SLC35F5: variants seen among roughly 807,000 people sequenced by gnomAD.
SLC35F5 encodes HCV NS5A-transactivated protein 3.
Under a neutral mutation model 68.6 loss-of-function variants are expected in SLC35F5, and 54 were observed. The observed-to-expected ratio is 0.79, with a 90% CI of 0.63 to 0.99. The LOEUF is 0.99. SLC35F5 is among the 50% of genes least tolerant of loss of function. SLC35F5 has a pLI of 0.00. For synonymous variants in SLC35F5, 211 were observed against 205.2 expected (o/e 1.03, Z -0.24); for missense variants, 567 against 626.9 (o/e 0.90, Z 1.02).
intron 4 of SLC35F5, 91 bp from the exon 5 acceptor site, chr2:113,746,430 A>C: frequency 1.0e-6 from 1 of 972,264 alleles, no homozygotes; most frequent in Non-Finnish European, 1.6e-6. Flanking sequence ...AGAAGCAAAA[A>C]TCCAGAATCA....
downstream of SLC35F5, chr2:113,705,429 G>T (rs1343849061): frequency 1.3e-5 from 2 of 152,304 alleles, no homozygotes; most frequent in Admixed American, 1.3e-4. Context: ...GCGTGCGCCT[G>T]TAGTCCCAGC....
intron 4 of SLC35F5, 76 bp from the exon 5 acceptor site, chr2:113,746,415 T>C: frequency 8.4e-7 from 1 of 1,185,470 alleles, no homozygotes; most frequent in Admixed American, 1.7e-5. Flanking sequence ...GTAACTCAGA[T>C]AAATAGAAGC....
Position 113,712,686 on chromosome 2 carries a change from C to A in SLC35F5, c.*2532G>T, listed in dbSNP as rs1456245956. 1 of 152,212 alleles carries A rather than the reference C, an allele frequency of 6.6e-6. No homozygotes were observed. The highest frequency in any genetic ancestry group is 1.5e-5 in the Non-Finnish European group (1 of 68,050). The allele number at this position is 152,212 out of a possible 1,614,324, so 9.4% of individuals were successfully genotyped here. On this transcript the variant is annotated 3_prime_UTR_variant, in exon 16 of 16. Coordinates refer to ENST00000245680, the MANE Select transcript of SLC35F5 (RefSeq NM_025181.5). The stretch of plus-strand genomic sequence containing the variant: ...AGTTGAGATTCTGATGTTCACCTAA[C>A]AAAGTCCCTGACAAAACAGACTTCC...
At chr2:113,744,728 G>A (rs1338284398) in intron 5 of SLC35F5, among the ~76,000 whole-genome samples, 1 of 152,122 alleles carries the variant, frequency 6.6e-6, no homozygotes, top group African/African-American at 2.4e-5. Context: ...ACTCCAGCTT[G>A]GGTGACAGAG....
At position 113,755,241 on chromosome 2, in the gene SLC35F5, C is replaced by T; in HGVS notation, c.197G>A (p.Arg66His). 6.2e-7 allele frequency: 1 copy of T among 1,614,078 alleles called. No individual in the cohort carries two copies. ...AACAATCCCAAGAGCCATTCGCCTG[C>T]GCTGAGTGAAACCACTGTTCTGGGA... ...MNSQNSGFTQ[R>H]RRMALGIVIL... The change falls in exon 3 of 16, where the codon CGC (arginine) becomes CAC (histidine). Residue 66 changes from arginine (R) to histidine (H), a missense_variant. Arg to His is a conservative substitution (Grantham distance 29, BLOSUM62 0). Transcript: ENST00000245680.
In SLC35F5 at chr2:113,708,594, T is replaced by C. The variant is rs1292433447; in HGVS notation, c.*6624A>G. On this transcript the variant is annotated 3_prime_UTR_variant, in exon 16 of 16. Coordinates refer to ENST00000245680, the MANE Select transcript of SLC35F5 (RefSeq NM_025181.5). ...GGTGGTGCATGTCTGTAATCCCAGC[T>C]ATTCGGGAGGCTGAGGCAGGAGAAT... Among the ~76,000 whole-genome samples, 1 of 152,052 alleles carries C rather than the reference T, an allele frequency of 6.6e-6. No individual in the cohort carries two copies. Among genetic ancestry groups the C allele is most frequent in the Non-Finnish European group, 1.5e-5 (1 of 68,016 alleles).
Position 113,717,866 on chromosome 2 carries a change from A to AG in SLC35F5, c.1497-17dup, listed in dbSNP as rs1559315951. On this transcript the variant is annotated splice_polypyrimidine_tract_variant and intron_variant, in intron 14 of 15. Coordinates refer to ENST00000245680, the MANE Select transcript of SLC35F5 (RefSeq NM_025181.5). ...TTCTGGAACTCTTAAGAAAAAAAAA[A>AG]GCAGTAATTAAGGAAAGCTTTAGAG... 6.4e-7 allele frequency: 1 copy of AG among 1,570,988 alleles called. No homozygotes were observed. The highest frequency in any genetic ancestry group is 8.7e-7 in the Non-Finnish European group (1 of 1,148,908).
rs1442764998 is a variant in SLC35F5 at position 113,711,980 on chromosome 2, T to C, written c.*3238A>G. ...CAGTGCCCTGTGAAAAGACTTGGCT[T>C]CCAGAGAAGTCATACCTTGCATACC... On this transcript the variant is annotated 3_prime_UTR_variant, in exon 16 of 16. Transcript: ENST00000245680. Among the ~76,000 whole-genome samples, 5 of 152,188 alleles carry C rather than the reference T, an allele frequency of 3.3e-5. No individual in the cohort carries two copies. Among genetic ancestry groups the C allele is most frequent in the Admixed American group, 6.5e-5 (1 of 15,282 alleles).
At position 113,728,714 on chromosome 2, in the gene SLC35F5, G is replaced by C. The variant is rs148686180; in HGVS notation, c.1090+687C>G. Reference sequence around the variant, plus strand: ...CCTGACTCCTTGTAAGCTGCACTTTGAACTCTTATCATGGAGCTTCTTTAT... The same window carrying C: ...CCTGACTCCTTGTAAGCTGCACTTTCAACTCTTATCATGGAGCTTCTTTAT... On this transcript the variant is annotated intron_variant, in intron 11 of 15. Transcript: ENST00000245680. 6.2e-3 allele frequency among the ~76,000 whole-genome samples: 944 copies of C among 152,302 alleles called. 16 individuals are homozygous for C. The highest frequency in any genetic ancestry group is 0.022 in the African/African-American group (897 of 41,560).
chr2:113,703,585 T>C (rs1316610148), downstream of SLC35F5: 1 of 152,212 alleles, frequency 6.6e-6, no homozygotes, highest in Non-Finnish European at 1.5e-5. Context: ...CTCTGAGACA[T>C]TTTGGCAGTA....
Position 113,713,119 on chromosome 2 carries a change from G to A in SLC35F5, c.*2099C>T, listed in dbSNP as rs1220118813. 2 of 152,166 alleles carry A rather than the reference G, an allele frequency of 1.3e-5. No individual in the cohort carries two copies. The highest frequency in any genetic ancestry group is 1.9e-4 in the East Asian group (1 of 5,202). The allele number at this position is 152,166 out of a possible 1,614,324, so 9.4% of individuals were successfully genotyped here. A position where few individuals can be genotyped will look rare whatever the true frequency, so the allele number is the denominator to read the frequency against. The stretch of plus-strand genomic sequence containing the variant: ...AATCATTCAGATAAATAAAACCTGT[G>A]AGAAAAAGCAAACAGGTGGGCAAGC... On this transcript the variant is annotated 3_prime_UTR_variant, in exon 16 of 16. Coordinates refer to ENST00000245680, the MANE Select transcript of SLC35F5 (RefSeq NM_025181.5).
In SLC35F5 at chr2:113,741,663, TGC is replaced by T. The variant is rs570382790; in HGVS notation, c.750+1027_750+1028del. Reference sequence around the variant, plus strand: ...TTGTGGTGAGCTGAGATCGCGCCATTGCACTCCAGCCTGGGCAACAAGAGCGA... The same window carrying T: ...TTGTGGTGAGCTGAGATCGCGCCATTACTCCAGCCTGGGCAACAAGAGCGA... On this transcript the variant is annotated intron_variant, in intron 7 of 15. Transcript: ENST00000245680. Among the ~76,000 whole-genome samples, 22 of 149,050 alleles carry T rather than the reference TGC, an allele frequency of 1.5e-4. No individual in the cohort carries two copies. In the East Asian group the frequency reaches 3.9e-3, roughly 26 times the overall value.
rs879896652 is a variant in SLC35F5 at position 113,713,749 on chromosome 2, T to TAAAAAAAAAAAAAAAAAAAAAA, written c.*1468_*1469insTTTTTTTTTTTTTTTTTTTTTT. 1.0e-5 allele frequency: 1 copy of TAAAAAAAAAAAAAAAAAAAAAA among 98,504 alleles called. No individual in the cohort carries two copies. The allele number at this position is 98,504 out of a possible 1,614,324, so 6.1% of individuals were successfully genotyped here. A position where few individuals can be genotyped will look rare whatever the true frequency, so the allele number is the denominator to read the frequency against. The stretch of plus-strand genomic sequence containing the variant: ...TTTTTGCCACTTTGGGCTGGATGAT[T>TAAAAAAAAAAAAAAAAAAAAAA]AAAAAAAAAAAAAAAAAAAAAGAGA... On this transcript the variant is annotated 3_prime_UTR_variant, in exon 16 of 16. Transcript: ENST00000245680.
intron 5 of SLC35F5, 21 bp downstream of exon 5, chr2:113,746,256 G>T: frequency 6.2e-7 from 1 of 1,604,316 alleles, no homozygotes; most frequent in South Asian, 1.1e-5. Flanking sequence ...CTCTATTCCT[G>T]ACAAGAAAAG....
intron 7 of SLC35F5, among the ~76,000 whole-genome samples, chr2:113,740,691 G>A (rs111568254): frequency 1.6e-3 from 236 of 151,830 alleles, no homozygotes; most frequent in Middle Eastern, 3.4e-3. Context: ...CGGTGGCGCC[G>A]TATCGGCTCA....
intron 7 of SLC35F5, 38 bp from the exon 8 acceptor site, chr2:113,735,896 G>T: frequency 7.7e-7 from 1 of 1,306,454 alleles, no homozygotes; most frequent in South Asian, 1.2e-5. Flanking sequence ...CCTAATGAAA[G>T]ACATGTTTAC....
intron 11 of SLC35F5, among the ~76,000 whole-genome samples, chr2:113,726,194 TTAAGCC>T (rs1373554216): frequency 6.6e-6 from 1 of 152,180 alleles, no homozygotes; most frequent in Non-Finnish European, 1.5e-5. Context: ...TTATACCTCT[TTAAGCC>T]TCAGTTTTCC....
chr2:113,735,779 G>A lies in SLC35F5; in HGVS notation c.830C>T (p.Ser277Phe). Residue 277 changes from serine to phenylalanine, a missense_variant and splice_region_variant, in exon 8 of 16, where the codon TCC becomes TTC. Physicochemically the swap from Ser to Phe is radical, Grantham distance 155. Coordinates refer to ENST00000245680, the MANE Select transcript of SLC35F5 (RefSeq NM_025181.5). Reference sequence around the variant, plus strand: ...ATTTTTAAAGACAAATTTCTTACCGGAAGTTGAAGATAAAATATTAACTAT... The same window carrying A: ...ATTTTTAAAGACAAATTTCTTACCGAAAGTTGAAGATAAAATATTAACTAT... ...VAIVNILSST[S>F]GLFTLILAAV... 6.3e-7 allele frequency: 1 copy of A among 1,595,100 alleles called. No individual in the cohort carries two copies.
At chr2:113,730,028 TC>T (rs1687820069) in intron 10 of SLC35F5, among the ~76,000 whole-genome samples, 1 of 152,320 alleles carries the variant, frequency 6.6e-6, no homozygotes, top group East Asian at 1.9e-4. Flanking sequence ...CTCTTTCTAA[TC>T]GGCTGTATTT....
Sources: allele counts gnomAD v4.1 joint callset (sites outside exome capture counted in the v4.1 genomes callset), GRCh38; gene constraint gnomAD v4.1.1; transcripts MANE v1.5; gene names NCBI Gene and HGNC (gene_info 2026-07-23, HGNC 2026-07-21).